The following ST8SIA1 variants were observed in gnomAD, a reference collection of about 807,000 sequenced individuals.
ST8SIA1 encodes the protein alpha-N-acetylneuraminide alpha-2,8-sialyltransferase.
A neutral mutation model predicts 35.9 loss-of-function variants in ST8SIA1; 16 were observed. The ratio of observed to expected loss-of-function variants is 0.45; its 90% CI spans 0.30 to 0.68. The LOEUF is 0.68. Ranked by LOEUF, ST8SIA1 falls within the 30% of genes least tolerant of loss-of-function variation. The pLI, the probability that ST8SIA1 is intolerant of heterozygous loss-of-function variation, is 0.09. For missense variants in ST8SIA1, 383 were observed against 453.6 expected, an observed-to-expected ratio of 0.84 and a Z score of 1.41; for synonymous variants, 170 against 169.6, an observed-to-expected ratio of 1.00 and a Z score of -0.02.
intron 1 of ST8SIA1, among the ~76,000 whole-genome samples, chr12:22,332,989 G>A (rs150240771): frequency 2.3e-3 from 345 of 152,210 alleles, no homozygotes; most frequent in African/African-American, 7.8e-3. Flanking sequence ...GGGGCACCTC[G>A]CAGTGGTGGA....
intron 1 of ST8SIA1, among the ~76,000 whole-genome samples, chr12:22,330,099 C>T (rs548862752): frequency 6.6e-6 from 1 of 152,298 alleles, no homozygotes; most frequent in South Asian, 2.1e-4. Flanking sequence ...AATCTCTCCG[C>T]CTTGATCTTT....
chr12:22,219,644 AT>A (rs2120659076), intron 4 of ST8SIA1, among the ~76,000 whole-genome samples: 1 of 152,302 alleles, frequency 6.6e-6, no homozygotes, highest in South Asian at 2.1e-4. Context: ...ATTTTTTAAA[AT>A]GAAATTATCA....
chr12:22,317,029 A>G (rs1267179450), intron 1 of ST8SIA1, among the ~76,000 whole-genome samples: 1 of 152,210 alleles, frequency 6.6e-6, no homozygotes, highest in African/African-American at 2.4e-5. Flanking sequence ...TGACCCAGAA[A>G]TCTTTCCTTT....
intron 2 of ST8SIA1, among the ~76,000 whole-genome samples, chr12:22,275,530 G>C (rs571199535): frequency 1.3e-5 from 2 of 152,242 alleles, no homozygotes; most frequent in South Asian, 2.1e-4. Flanking sequence ...CTCCAGCCTG[G>C]ATGACAGAGT....
At chr12:22,246,963 G>A (rs1256525832) in intron 4 of ST8SIA1, among the ~76,000 whole-genome samples, 2 of 152,126 alleles carry the variant, frequency 1.3e-5, no homozygotes, top group African/African-American at 4.8e-5. Flanking sequence ...TTTCTTCATA[G>A]TGAGCTTAAG....
At chr12:22,305,379 CTTTT>C (rs71053397) in intron 1 of ST8SIA1, among the ~76,000 whole-genome samples, 1 of 132,960 alleles carries the variant, frequency 7.5e-6, no homozygotes, top group Non-Finnish European at 1.6e-5. Context: ...TTCCAGCATA[CTTTT>C]TTTTTTTTTT....
rs1047452422 is a variant in ST8SIA1, at chr12:22,193,658, A to G, written c.*7894T>C. On this transcript the variant is annotated 3_prime_UTR_variant, in exon 5 of 5. Transcript: ENST00000396037. ...AGTACCAATTAAAGTTTTCTTTTTT[A>G]CCTGCAACATTTTAGATGAAACTCT... 1 of 152,196 alleles carries G rather than the reference A, an allele frequency of 6.6e-6. No homozygotes were observed. The highest frequency in any genetic ancestry group is 1.5e-5 in the Non-Finnish European group (1 of 68,030). 9.4% of individuals were successfully genotyped at this position (152,196 alleles called of 1,614,324 possible).
At chr12:22,290,185 C>T (rs1260898138) in intron 1 of ST8SIA1, among the ~76,000 whole-genome samples, 2 of 151,980 alleles carry the variant, frequency 1.3e-5, no homozygotes, top group Non-Finnish European at 2.9e-5. Flanking sequence ...CTGTCATAAA[C>T]TCTTAAACTT....
chr12:22,201,270 T>C lies in ST8SIA1; in HGVS notation c.*282A>G, dbSNP rs770617665. 11 of 315,600 alleles carry C rather than the reference T, an allele frequency of 3.5e-5. No individual in the cohort carries two copies. The highest frequency in any genetic ancestry group is 6.5e-5 in the African/African-American group (3 of 46,466). The allele number at this position is 315,600 out of a possible 1,614,324, so 19.5% of individuals were successfully genotyped here. On this transcript the variant is annotated 3_prime_UTR_variant, in exon 5 of 5. Transcript: ENST00000396037. ...GAGTCTGTCTTGTTTTTGAACTGCA[T>C]CTTCTAGATTTGAACCATGTGCTTT...
chr12:22,237,748 G>GT (rs1223474636), intron 4 of ST8SIA1, among the ~76,000 whole-genome samples: 5 of 151,434 alleles, frequency 3.3e-5, no homozygotes, highest in East Asian at 1.9e-4. Context: ...GTACAGTAGA[G>GT]TTTTTTCTTG....
intron 4 of ST8SIA1, among the ~76,000 whole-genome samples, chr12:22,218,106 T>C (rs567371121): frequency 1.9e-4 from 29 of 152,278 alleles, no homozygotes; most frequent in African/African-American, 7.0e-4. Context: ...GGCAGATCAC[T>C]TGAGGCCAGG....
At chr12:22,303,869 C>CACACACAT (rs1555161254) in intron 1 of ST8SIA1, among the ~76,000 whole-genome samples, 28 of 151,958 alleles carry the variant, frequency 1.8e-4, no homozygotes, top group African/African-American at 5.8e-4. Flanking sequence ...CACACACACA[C>CACACACAT]ACACACACAC....
At chr12:22,223,609 T>C (rs1865324977) in intron 4 of ST8SIA1, 8 of 1,123,514 alleles carry the variant, frequency 7.1e-6, no homozygotes, top group Non-Finnish European at 8.8e-6. Context: ...GAGTCTGGAG[T>C]GAGCAGCTGA....
At chr12:22,304,630 C>T (rs1354766228) in intron 1 of ST8SIA1, among the ~76,000 whole-genome samples, 4 of 152,262 alleles carry the variant, frequency 2.6e-5, no homozygotes, top group Admixed American at 2.6e-4. Flanking sequence ...ATAATTATTG[C>T]AACAGAGGCT....
In ST8SIA1 at chr12:22,201,464, C is replaced by T. The variant is rs1865046932; in HGVS notation, c.*88G>A. On this transcript the variant is annotated 3_prime_UTR_variant, in exon 5 of 5. Transcript: ENST00000396037. ...GTTTTTCCAAGGGCCCATGCAAACT[C>T]ATGAAACAACTTGACCATTCCCTCT... The T allele has an allele frequency of 4.7e-6, 7 of 1,495,122 alleles. No individual in the cohort carries two copies. The highest frequency in any genetic ancestry group is 6.2e-6 in the Non-Finnish European group (7 of 1,120,914). The allele number at this position is 1,495,122 out of a possible 1,614,324, so 92.6% of individuals were successfully genotyped here. A position where few individuals can be genotyped will look rare whatever the true frequency, so the allele number is the denominator to read the frequency against.
rs1865036838 is a variant in ST8SIA1 at position 22,200,413 on chromosome 12, T to A, written c.*1139A>T. 6.6e-6 allele frequency: 1 copy of A among 152,240 alleles called. No homozygotes were observed. The highest frequency in any genetic ancestry group is 6.5e-5 in the Admixed American group (1 of 15,276). The allele number at this position is 152,240 out of a possible 1,614,324, so 9.4% of individuals were successfully genotyped here. ...CTTTGTTTAACTTTGTGTGTGTGTA[T>A]GTGTGTCTACATGTATGCATACATG... is the stretch of plus-strand genomic sequence containing the variant. On this transcript the variant is annotated 3_prime_UTR_variant, in exon 5 of 5. Coordinates refer to ENST00000396037, the MANE Select transcript of ST8SIA1 (RefSeq NM_003034.4).
chr12:22,263,797 A>G (rs1865817669), intron 2 of ST8SIA1, among the ~76,000 whole-genome samples: 1 of 152,154 alleles, frequency 6.6e-6, no homozygotes, highest in South Asian at 2.1e-4. Flanking sequence ...TGTGGCACCA[A>G]GTGCCACAAT....
intron 2 of ST8SIA1, among the ~76,000 whole-genome samples, chr12:22,281,022 T>G (rs1866028114): frequency 6.6e-6 from 1 of 152,232 alleles, no homozygotes; most frequent in Non-Finnish European, 1.5e-5. Flanking sequence ...CACCTTTATT[T>G]CTTTTCACTG....
intron 2 of ST8SIA1, among the ~76,000 whole-genome samples, chr12:22,275,973 G>A (rs56121046): frequency 0.093 from 14,110 of 152,204 alleles, 798 homozygotes; most frequent in East Asian, 0.15. Flanking sequence ...GCAGTGCTCC[G>A]GGAACTGGGC....
Sources: gnomAD v4.1 joint callset for allele counts (sites outside exome capture counted in the v4.1 genomes callset) on GRCh38, gnomAD v4.1.1 for gene constraint, MANE v1.5 for transcripts, NCBI Gene and HGNC (gene_info 2026-07-23, HGNC 2026-07-21) for gene names.